The following TEX14 variants were observed in gnomAD, a reference collection of about 807,000 sequenced individuals.
TEX14 encodes the protein testis expressed 14, intercellular bridge forming factor, also known as inactive serine/threonine-protein kinase TEX14.
TEX14 carries 168 observed loss-of-function variants against 178.6 expected under a neutral mutation model. That is an observed-to-expected ratio of 0.94 (90% CI 0.83 to 1.07). TEX14 has a LOEUF of 1.07. Ranked by LOEUF, TEX14 falls within the 50% of genes least tolerant of loss-of-function variation. The probability of loss-of-function intolerance (pLI) is 0.00; values close to 1 mark genes in which losing one functional copy is unlikely to be tolerated. For missense variants in TEX14, 1,730 were observed against 1,753.6 expected, an observed-to-expected ratio of 0.99 and a Z score of 0.24; for synonymous variants, 626 against 634.1, an observed-to-expected ratio of 0.99 and a Z score of 0.19.
chr17:58,662,969 G>A (rs1164519883), intron 1 of TEX14, among the ~76,000 whole-genome samples: 11 of 151,990 alleles, frequency 7.2e-5, no homozygotes, highest in African/African-American at 2.7e-4. Context: ...TTAGCCGGGC[G>A]TGGTGGTGGG....
intron 5 of TEX14, among the ~76,000 whole-genome samples, chr17:58,619,080 G>C (rs1284789021): frequency 6.6e-6 from 1 of 152,214 alleles, no homozygotes; most frequent in Non-Finnish European, 1.5e-5. Context: ...TTGCCCAGGG[G>C]AACAGACCTT....
In TEX14 at chr17:58,577,379, G is replaced by A. The variant is rs770803435; in HGVS notation, c.3316C>T (p.Arg1106Ter). ...ILPRSQFQPVRSTEDEQEETS... is the reference protein window; with the variant it reads ...ILPRSQFQPV ...TAAGATAATAATAGCCCATACCTTC[G>A]TACAGGTTGAAATTGAGACCTGGGC... The change falls in exon 21 of 32, where the codon CGA becomes TGA. Residue 1106 changes from arginine (R) to a stop codon, truncating the protein, a stop_gained. Transcript: ENST00000349033. LOFTEE classifies it high-confidence loss of function. 15 of 1,429,532 alleles carry A rather than the reference G, an allele frequency of 1.0e-5. 1 individual carries two copies. The Admixed American group carries it at 1.4e-4, about 13-fold the overall frequency. The allele number at this position is 1,429,532 out of a possible 1,614,324, so 88.6% of individuals were successfully genotyped here.
intron 1 of TEX14, chr17:58,660,515 C>T (rs1454645386): frequency 1.4e-6 from 1 of 722,518 alleles, no homozygotes; most frequent in Non-Finnish European, 2.5e-6. Context: ...GAGGGGAAGG[C>T]TGCATGGTTT....
chr17:58,590,378 C>T (rs1253348589), intron 15 of TEX14, among the ~76,000 whole-genome samples: 1 of 151,964 alleles, frequency 6.6e-6, no homozygotes, highest in Non-Finnish European at 1.5e-5. Flanking sequence ...ATCTTCAAAC[C>T]CTTTGACCAA....
At chr17:58,651,774 A>G (rs2046844328) in intron 2 of TEX14, 92 bp downstream of exon 2, 1 of 1,181,510 alleles carries the variant, frequency 8.5e-7, no homozygotes, top group Non-Finnish European at 1.2e-6. Context: ...TTCCCCAAGG[A>G]CTCATTCATA....
intron 2 of TEX14, chr17:58,631,968 C>T (rs748558032): frequency 2.6e-5 from 4 of 152,200 alleles, no homozygotes; most frequent in Non-Finnish European, 5.9e-5. Context: ...CTTTCCACTA[C>T]CAAAGTTCGA....
chr17:58,577,470 G>A lies in TEX14; in HGVS notation c.3239-14C>T, dbSNP rs547246086. The A allele has an allele frequency of 1.5e-4, 172 of 1,113,074 alleles. 1 individual carries two copies. In the South Asian group the frequency reaches 2.9e-3, roughly 19 times the overall value. The allele number at this position is 1,113,074 out of a possible 1,614,324, so 68.9% of individuals were successfully genotyped here. On this transcript the variant is annotated splice_polypyrimidine_tract_variant and intron_variant, in intron 20 of 31. Transcript: ENST00000349033. The stretch of plus-strand genomic sequence containing the variant: ...ACTTTTCCTCACCTGAAAGAATAAA[G>A]TTAAAAATATATATATATATTTTTT...
chr17:58,604,371 T>C (rs932588927), intron 11 of TEX14, among the ~76,000 whole-genome samples: 2 of 150,558 alleles, frequency 1.3e-5, no homozygotes, highest in African/African-American at 4.9e-5. Flanking sequence ...CTCGGGAGGC[T>C]GAGGCAGAAG....
chr17:58,605,996 C>T (rs2045597965), intron 10 of TEX14, among the ~76,000 whole-genome samples: 1 of 152,180 alleles, frequency 6.6e-6, no homozygotes, highest in Non-Finnish European at 1.5e-5. Flanking sequence ...TTCAAGAGCC[C>T]TCTCAACCCC....
chr17:58,582,254 T>G (rs1038453656), intron 19 of TEX14, among the ~76,000 whole-genome samples: 6 of 152,012 alleles, frequency 3.9e-5, no homozygotes, highest in Admixed American at 6.6e-5. Flanking sequence ...AGCAGCAAAT[T>G]TATATTTACT....
chr17:58,578,102 T>C (rs1292418519), intron 20 of TEX14, among the ~76,000 whole-genome samples: 1 of 151,986 alleles, frequency 6.6e-6, no homozygotes, highest in Non-Finnish European at 1.5e-5. Flanking sequence ...CAGCCCTGTT[T>C]CCAAATGCCT....
At position 58,572,876 on chromosome 17, in the gene TEX14, G is replaced by T. The variant is rs553627231; in HGVS notation, c.3511+305C>A. ...GTTTAAGCACAAGGTACTGTTTTAA[G>T]TTGCAAACTCTACAAAGCTCAATGT... On this transcript the variant is annotated intron_variant, in intron 23 of 31. Transcript: ENST00000349033. Among the ~76,000 whole-genome samples the T allele has an allele frequency of 4.6e-5, 7 of 152,358 alleles. No individual in the cohort carries two copies. In the East Asian group the frequency reaches 1.3e-3, roughly 29 times the overall value.
chr17:58,631,861 A>C lies in TEX14; in HGVS notation c.137-1307T>G, dbSNP rs444393. ...TAATGTCCATTTATGTGCCTTCCAC[A>C]TGCGAAAGAAACTCACACATATTAT... On this transcript the variant is annotated intron_variant, in intron 2 of 31. Coordinates refer to ENST00000349033, the MANE Select transcript of TEX14 (RefSeq NM_031272.5). 2.0e-5 allele frequency: 3 copies of C among 152,104 alleles called. No individual in the cohort carries two copies. The East Asian group carries it at 5.8e-4, about 29-fold the overall frequency. 9.4% of individuals were successfully genotyped at this position (152,104 alleles called of 1,614,324 possible). A position where few individuals can be genotyped will look rare whatever the true frequency, so the allele number is the denominator to read the frequency against.
chr17:58,648,642 C>T (rs1017587478), intron 2 of TEX14, among the ~76,000 whole-genome samples: 1 of 152,146 alleles, frequency 6.6e-6, no homozygotes, highest in Admixed American at 6.6e-5. Context: ...TTCAACTGTA[C>T]AGCAGGCTGG....
At chr17:58,585,289 T>C (rs1479699805) in intron 18 of TEX14, among the ~76,000 whole-genome samples, 1 of 152,190 alleles carries the variant, frequency 6.6e-6, no homozygotes, top group East Asian at 1.9e-4. Context: ...GATCAGTGTC[T>C]GGATCTGTTT....
intron 20 of TEX14, among the ~76,000 whole-genome samples, chr17:58,579,019 T>A (rs957192542): frequency 6.6e-6 from 1 of 152,206 alleles, no homozygotes; most frequent in Admixed American, 6.5e-5. Flanking sequence ...TACACAATTT[T>A]AAAAATGTAA....
At position 58,660,743 on chromosome 17, in the gene TEX14, C is replaced by A. The variant is rs766559048; in HGVS notation, c.-1-8741G>T. 1.2e-5 allele frequency: 9 copies of A among 781,314 alleles called. No homozygotes were observed. The South Asian group carries it at 1.2e-4, about 10-fold the overall frequency. The allele number at this position is 781,314 out of a possible 1,614,324, so 48.4% of individuals were successfully genotyped here. A position where few individuals can be genotyped will look rare whatever the true frequency, so the allele number is the denominator to read the frequency against. On this transcript the variant is annotated intron_variant, in intron 1 of 31. Coordinates refer to ENST00000349033, the MANE Select transcript of TEX14 (RefSeq NM_031272.5). ...TTCTTCTGGTGTTGCCTTGGCTATT[C>A]CCTGATCTGGTAACACTCCATGTTT...
At chr17:58,603,059 C>CA (rs1224062192) in intron 11 of TEX14, among the ~76,000 whole-genome samples, 1 of 150,104 alleles carries the variant, frequency 6.7e-6, no homozygotes, top group African/African-American at 2.4e-5. Context: ...AAACAGAAAA[C>CA]AAAAAAACAA....
chr17:58,578,735 G>A (rs1473496552), intron 20 of TEX14, among the ~76,000 whole-genome samples: 1 of 152,220 alleles, frequency 6.6e-6, no homozygotes, highest in African/African-American at 2.4e-5. Context: ...GGTGGCCCAA[G>A]GCTCTGGAGA....
Sources: gnomAD v4.1 joint callset for allele counts (sites outside exome capture counted in the v4.1 genomes callset) on GRCh38, gnomAD v4.1.1 for gene constraint, MANE v1.5 for transcripts, NCBI Gene and HGNC (gene_info 2026-07-23, HGNC 2026-07-21) for gene names.